The following RSPH10B2 variants were observed in gnomAD, a reference collection of about 807,000 sequenced individuals.
RSPH10B2 encodes radial spoke head 10 homolog B2 (Chlamydomonas).
A neutral mutation model predicts 49.0 loss-of-function variants in RSPH10B2; 9 were observed. That is an observed-to-expected ratio of 0.18 (90% CI 0.11 to 0.32). RSPH10B2 has a LOEUF of 0.32. RSPH10B2 is among the 10% of genes least tolerant of loss of function. The probability of loss-of-function intolerance (pLI) is 1.00; values close to 1 mark genes in which losing one functional copy is unlikely to be tolerated. For missense variants in RSPH10B2, 95 were observed against 589.9 expected (o/e 0.16, Z 8.69); for synonymous variants, 35 against 210.2 (o/e 0.17, Z 7.21).
chr7:6,786,502 A>AT (rs1188805546), intron 14 of RSPH10B2, among the ~76,000 whole-genome samples: 1 of 101,428 alleles, frequency 9.9e-6, no homozygotes, highest in Non-Finnish European at 1.9e-5. Flanking sequence ...CCTTCAGCTG[A>AT]TTTTTTAAAA....
chr7:6,797,617 T>C (rs1562422936), intron 18 of RSPH10B2, among the ~76,000 whole-genome samples: 1 of 152,288 alleles, frequency 6.6e-6, no homozygotes, highest in Non-Finnish European at 1.5e-5. Context: ...CCCCAGCATT[T>C]TGGGGGGCCA....
chr7:6,779,974 A>ATTTT (rs769877980), intron 11 of RSPH10B2, among the ~76,000 whole-genome samples: 1 of 110,070 alleles, frequency 9.1e-6, no homozygotes, highest in Non-Finnish European at 1.9e-5. Flanking sequence ...TGCCTGGCTA[A>ATTTT]TTTTTTTTTT....
intron 10 of RSPH10B2, among the ~76,000 whole-genome samples, chr7:6,776,927 A>ACACACACACACAC (rs770227917): frequency 7.8e-6 from 1 of 128,934 alleles, no homozygotes; most frequent in Non-Finnish European, 1.7e-5. Context: ...ACACACACAC[A>ACACACACACACAC]AAAGGCAGGG....
chr7:6,756,076 G>A (rs1397694172), upstream of RSPH10B2, among the ~76,000 whole-genome samples: 2 of 150,688 alleles, frequency 1.3e-5, no homozygotes, highest in East Asian at 1.9e-4. Flanking sequence ...AGACCATCCT[G>A]GCTAACCCGG....
Position 6,792,616 on chromosome 7 carries a change from G to A in RSPH10B2, c.2233+619G>A, listed in dbSNP as rs536695202. On this transcript the variant is annotated intron_variant, in intron 17 of 18. Transcript: ENST00000297186. ...CTGGTCTGATTCCTCAGCCGTGTCCGTGTGAACTTCCAACCTCATGCCTCT... is the reference window on the plus strand; with the variant it reads ...CTGGTCTGATTCCTCAGCCGTGTCCATGTGAACTTCCAACCTCATGCCTCT... Among the ~76,000 whole-genome samples the A allele has an allele frequency of 5.7e-3, 666 of 116,176 alleles. 45 individuals are homozygous for A. The highest frequency in any genetic ancestry group is 0.021 in the African/African-American group (624 of 29,682). 76.2% of individuals were successfully genotyped at this position (116,176 alleles called of 152,430 possible).
chr7:6,764,691 G>A (rs1482743828), intron 4 of RSPH10B2, among the ~76,000 whole-genome samples: 3 of 151,026 alleles, frequency 2.0e-5, no homozygotes, highest in South Asian at 2.1e-4. Context: ...GCTATTTATT[G>A]AGTTGTGTTG....
rs201650381 is a variant in RSPH10B2 at position 6,795,932 on chromosome 7, T to TAAA, written c.2234-627_2234-625dup. Among the ~76,000 whole-genome samples, 829 of 139,408 alleles carry TAAA rather than the reference T, an allele frequency of 5.9e-3. 49 individuals are homozygous for TAAA. Among genetic ancestry groups the TAAA allele is most frequent in the Middle Eastern group, 0.011 (3 of 266 alleles). The allele number at this position is 139,408 out of a possible 152,430, so 91.5% of individuals were successfully genotyped here. On this transcript the variant is annotated intron_variant, in intron 17 of 18. Transcript: ENST00000297186. ...GGGCCATAGAGTGAGAGCTTGTCTT[T>TAAA]AAAAAAAAAAAGAAAAAAGCAAGAG...
intron 4 of RSPH10B2, among the ~76,000 whole-genome samples, chr7:6,764,454 G>A (rs1192223385): frequency 3.6e-4 from 55 of 150,910 alleles, no homozygotes; most frequent in Admixed American, 3.9e-4. Context: ...TCTGCCTCCC[G>A]GGTTCAAGCA....
At chr7:6,758,482 CTTAA>C (rs1400415605) in intron 1 of RSPH10B2, among the ~76,000 whole-genome samples, 2 of 137,602 alleles carry the variant, frequency 1.5e-5, no homozygotes, top group Non-Finnish European at 3.2e-5. Context: ...AATGTACTAT[CTTAA>C]TTATTTTAAG....
In RSPH10B2 at chr7:6,792,501, C is replaced by CT. The variant is rs1216937444; in HGVS notation, c.2233+506dup. On this transcript the variant is annotated intron_variant, in intron 17 of 18. Coordinates refer to ENST00000297186, the Ensembl canonical transcript of RSPH10B2. ...AAAAACAACACACAACCCTTATTCA[C>CT]TTCCTCATCCTCCTGTTTTATTATG... 4.1e-4 allele frequency among the ~76,000 whole-genome samples: 44 copies of CT among 107,298 alleles called. 1 individual carries two copies. The highest frequency in any genetic ancestry group is 1.6e-3 in the African/African-American group (42 of 26,652). The allele number at this position is 107,298 out of a possible 152,430, so 70.4% of individuals were successfully genotyped here. A position where few individuals can be genotyped will look rare whatever the true frequency, so the allele number is the denominator to read the frequency against.
chr7:6,785,153 G>A (rs1161407328), intron 13 of RSPH10B2, among the ~76,000 whole-genome samples: 2 of 68,044 alleles, frequency 2.9e-5, no homozygotes, highest in African/African-American at 1.4e-4. Flanking sequence ...GTGTGTGTGT[G>A]TGTGTGTGTG....
intron 4 of RSPH10B2, among the ~76,000 whole-genome samples, chr7:6,764,573 G>C (rs1489893677): frequency 1.0e-4 from 15 of 148,850 alleles, no homozygotes; most frequent in African/African-American, 3.7e-4. Flanking sequence ...GTTGGCCAGG[G>C]TGGTCTTGAA....
upstream of RSPH10B2, among the ~76,000 whole-genome samples, chr7:6,756,276 A>AAAT: frequency 7.4e-6 from 1 of 134,246 alleles, no homozygotes; most frequent in East Asian, 2.3e-4. Context: ...TCTCAAAAAT[A>AAAT]AATAAATAAA....
upstream of RSPH10B2, among the ~76,000 whole-genome samples, chr7:6,756,264 C>T (rs1332222499): frequency 7.4e-3 from 988 of 133,830 alleles, 8 homozygotes; most frequent in African/African-American, 0.029. Context: ...AGTGAGACTC[C>T]GTCTCAAAAA....
chr7:6,756,432 G>A (rs200221115), upstream of RSPH10B2, among the ~76,000 whole-genome samples: 1,403 of 20,454 alleles, frequency 0.069, 5 homozygotes, highest in East Asian at 0.21. Flanking sequence ...TGTTGCCGAG[G>A]CTAGAGTGCA....
chr7:6,796,464 A>T, intron 17 of RSPH10B2, 104 bp from the exon 20 acceptor site: 1 of 758,352 alleles, frequency 1.3e-6, no homozygotes, highest in East Asian at 3.9e-5. Flanking sequence ...CTGGCCGAGG[A>T]GAAGGGGGCC....
chr7:6,781,977 G>T (rs1454727823), intron 13 of RSPH10B2, among the ~76,000 whole-genome samples: 5 of 110,548 alleles, frequency 4.5e-5, no homozygotes, highest in Non-Finnish European at 9.1e-5. Flanking sequence ...GCAATGAAGT[G>T]ATCTTGGCTC....
At chr7:6,793,405 A>G (rs1263651140) in intron 17 of RSPH10B2, among the ~76,000 whole-genome samples, 1 of 115,896 alleles carries the variant, frequency 8.6e-6, no homozygotes, top group Non-Finnish European at 1.7e-5. Flanking sequence ...TCAATGGTGG[A>G]CTTTTAAAGG....
At chr7:6,761,298 TGCGCATAAC>T (rs1781250075) in intron 3 of RSPH10B2, 1 of 123,242 alleles carries the variant, frequency 8.1e-6, no homozygotes, top group Admixed American at 8.8e-5. Flanking sequence ...TTAAAACACA[TGCGCATAAC>T]GCACTTATTC....
Sources: gnomAD v4.1 joint callset for allele counts (sites outside exome capture counted in the v4.1 genomes callset) on GRCh38, gnomAD v4.1.1 for gene constraint, MANE v1.5 for transcripts, NCBI Gene and HGNC (gene_info 2026-07-23, HGNC 2026-07-21) for gene names.